COL19A1: variants seen among roughly 807,000 people sequenced by gnomAD.
The protein encoded by COL19A1 is collagen type XIX alpha 1 chain, also known as collagen alpha-1(XIX) chain.
Under a neutral mutation model 190.2 loss-of-function variants are expected in COL19A1, and 159 were observed. The observed-to-expected ratio is 0.84, with a 90% CI of 0.73 to 0.95. The LOEUF is 0.95. Ranked by LOEUF, COL19A1 falls within the 40% of genes least tolerant of loss-of-function variation. The pLI is 0.00. For synonymous variants in COL19A1, 509 were observed against 458.9 expected (o/e 1.11, Z -1.39); for missense variants, 1,418 against 1,431.9 (o/e 0.99, Z 0.16).
Position 69,879,515 on chromosome 6 carries a change from ATT to A in COL19A1, c.-32-11_-32-10del, listed in dbSNP as rs878981757. The A allele has an allele frequency of 1.5e-5, 17 of 1,171,102 alleles. No homozygotes were observed. The highest frequency in any genetic ancestry group is 2.1e-5 in the Admixed American group (1 of 47,642). The allele number at this position is 1,171,102 out of a possible 1,614,324, so 72.5% of individuals were successfully genotyped here. ...GCTGCATACAATAAACTTTATTCAA[ATT>A]TTTTTTTTTCTGTTGCAGATCCGTG... On this transcript the variant is annotated intron_variant, in intron 1 of 50. Coordinates refer to ENST00000620364, the MANE Select transcript of COL19A1 (RefSeq NM_001858.6).
intron 31 of COL19A1, among the ~76,000 whole-genome samples, chr6:70,152,509 G>T (rs925660594): frequency 6.6e-6 from 1 of 152,052 alleles, no homozygotes; most frequent in Admixed American, 6.6e-5. Flanking sequence ...GTTTTTATAA[G>T]CCAGAGAAGA....
chr6:70,059,378 C>T (rs1020328610), intron 14 of COL19A1, among the ~76,000 whole-genome samples: 3 of 152,082 alleles, frequency 2.0e-5, no homozygotes, highest in South Asian at 2.1e-4. Flanking sequence ...TGTGTTCAAA[C>T]GTAATTAATC....
chr6:70,101,064 A>G (rs1783597932), intron 15 of COL19A1, among the ~76,000 whole-genome samples: 1 of 152,192 alleles, frequency 6.6e-6, no homozygotes, highest in African/African-American at 2.4e-5. Context: ...AGAGCAAGAA[A>G]ATTGGTGAAT....
At chr6:70,087,437 G>A (rs980819115) in intron 15 of COL19A1, among the ~76,000 whole-genome samples, 2 of 152,102 alleles carry the variant, frequency 1.3e-5, no homozygotes, top group Non-Finnish European at 2.9e-5. Flanking sequence ...CAGGTGCAAA[G>A]GTCTGAGGCA....
intron 17 of COL19A1, among the ~76,000 whole-genome samples, chr6:70,128,383 C>G (rs968412703): frequency 2.0e-5 from 3 of 152,096 alleles, no homozygotes; most frequent in Non-Finnish European, 4.4e-5. Flanking sequence ...CTGAGGAAAT[C>G]CAACCTCTAA....
At chr6:70,081,241 C>T (rs1782229922) in intron 15 of COL19A1, among the ~76,000 whole-genome samples, 1 of 152,106 alleles carries the variant, frequency 6.6e-6, no homozygotes, top group Non-Finnish European at 1.5e-5. Context: ...TATAATATTT[C>T]TAATTGTCTT....
chr6:70,197,898 G>A (rs990164046), intron 48 of COL19A1, among the ~76,000 whole-genome samples: 1 of 152,178 alleles, frequency 6.6e-6, no homozygotes, highest in Non-Finnish European at 1.5e-5. Context: ...ATGCTCTATA[G>A]CTATTGGGGC....
intron 11 of COL19A1, among the ~76,000 whole-genome samples, chr6:70,020,302 G>C (rs886614651): frequency 2.0e-5 from 3 of 152,028 alleles, no homozygotes; most frequent in African/African-American, 7.2e-5. Context: ...TCAGTTGATA[G>C]TATTTTTGCC....
chr6:70,197,227 T>C (rs1767261699), intron 48 of COL19A1, among the ~76,000 whole-genome samples: 1 of 151,952 alleles, frequency 6.6e-6, no homozygotes, highest in Admixed American at 6.6e-5. Flanking sequence ...GAGACCATTC[T>C]GGCTGACACG....
chr6:70,062,048 C>T (rs1029237354), intron 14 of COL19A1, among the ~76,000 whole-genome samples: 2 of 149,366 alleles, frequency 1.3e-5, no homozygotes, highest in Non-Finnish European at 2.9e-5. Flanking sequence ...AGTTTTTTTC[C>T]CTTTTTTTTC....
Position 70,156,681 on chromosome 6 carries a change from A to G in COL19A1, c.2250A>G (p.Gly750=). ...PGREGPKGSK[G]ERGYPGIPGE... The stretch of plus-strand genomic sequence containing the variant: ...TATTGTCTTTTTAGGGAAGCAAAGG[A>G]GAGCGGGGCTACCCTGGGATACCTG... Residue 750 remains glycine (G), a synonymous_variant, in exon 34 of 51, where the codon GGA becomes GGG. Transcript: ENST00000620364. 1 of 1,611,966 alleles carries G rather than the reference A, an allele frequency of 6.2e-7. No homozygotes were observed. Among genetic ancestry groups the G allele is most frequent in the Non-Finnish European group, 8.5e-7 (1 of 1,178,702 alleles).
intron 47 of COL19A1, among the ~76,000 whole-genome samples, 168 bp from the exon 48 acceptor site, chr6:70,190,147 G>T (rs1386280474): frequency 2.0e-5 from 3 of 152,118 alleles, no homozygotes; most frequent in Non-Finnish European, 2.9e-5. Flanking sequence ...CCAGAATTTG[G>T]TCAAAGCAAC....
chr6:70,148,668 T>C (rs1786831140), intron 27 of COL19A1, among the ~76,000 whole-genome samples: 1 of 152,196 alleles, frequency 6.6e-6, no homozygotes, highest in Admixed American at 6.5e-5. Flanking sequence ...GGCTCACACC[T>C]GTAATCCCAG....
At chr6:69,989,569 T>C (rs79519613) in intron 11 of COL19A1, among the ~76,000 whole-genome samples, 1 of 150,750 alleles carries the variant, frequency 6.6e-6, no homozygotes, top group Non-Finnish European at 1.5e-5. Flanking sequence ...TTTTTTTTTT[T>C]GCTCATCAGC....
chr6:70,030,885 C>CT (rs1779024753), intron 12 of COL19A1, among the ~76,000 whole-genome samples: 1 of 152,166 alleles, frequency 6.6e-6, no homozygotes, highest in African/African-American at 2.4e-5. Context: ...CTGTCCCAGC[C>CT]ATCCTGCTCT....
intron 4 of COL19A1, among the ~76,000 whole-genome samples, chr6:69,926,249 C>T (rs546962891): frequency 6.6e-6 from 1 of 151,926 alleles, no homozygotes; most frequent in East Asian, 1.9e-4. Flanking sequence ...AGAAGATATG[C>T]AAAAAGAAGG....
intron 35 of COL19A1, among the ~76,000 whole-genome samples, chr6:70,162,407 A>G (rs1420683404): frequency 6.6e-6 from 1 of 152,134 alleles, no homozygotes; most frequent in Non-Finnish European, 1.5e-5. Flanking sequence ...CAAGGCTTTC[A>G]CTGCCCCTCA....
Position 69,929,558 on chromosome 6 carries a change from G to A in COL19A1, c.524G>A (p.Gly175Asp). 1 of 1,613,998 alleles carries A rather than the reference G, an allele frequency of 6.2e-7. No individual in the cohort carries two copies. Among genetic ancestry groups the A allele is most frequent in the Non-Finnish European group, 8.5e-7 (1 of 1,179,964 alleles). ...PLFDRQWHKL[G>D]ISIQSQVISL... ...TTTGATCGTCAGTGGCACAAACTTG[G>A]CATTAGTATACAATCCCAGGTCATT... Residue 175 changes from glycine to aspartate, a missense_variant, in exon 6 of 51, where the codon GGC (glycine) becomes GAC (aspartate). Coordinates refer to ENST00000620364, the MANE Select transcript of COL19A1 (RefSeq NM_001858.6).
chr6:70,099,884 A>ACACTCTGG (rs1331763934), intron 15 of COL19A1, among the ~76,000 whole-genome samples: 7 of 152,194 alleles, frequency 4.6e-5, no homozygotes, highest in African/African-American at 1.7e-4. Flanking sequence ...TGACACTCTG[A>ACACTCTGG]CAATGGCAAG....
Sources: allele counts gnomAD v4.1 joint callset (sites outside exome capture counted in the v4.1 genomes callset), GRCh38; gene constraint gnomAD v4.1.1; transcripts MANE v1.5; gene names NCBI Gene and HGNC (gene_info 2026-07-23, HGNC 2026-07-21).